DPH5: variants seen among roughly 807,000 people sequenced by gnomAD.
DPH5 encodes the protein diphthine methyl ester synthase.
Under a neutral mutation model 31.6 loss-of-function variants are expected in DPH5, and 31 were observed. The observed-to-expected ratio is 0.98, with a 90% CI of 0.74 to 1.32. DPH5 has a LOEUF of 1.32. DPH5 is among the 40% of genes most tolerant of loss of function. The probability of loss-of-function intolerance (pLI) is 0.00; values close to 1 mark genes in which losing one functional copy is unlikely to be tolerated. For synonymous variants in DPH5, 120 were observed against 115.0 expected, an observed-to-expected ratio of 1.04 and a Z score of -0.28; for missense variants, 309 against 335.7, an observed-to-expected ratio of 0.92 and a Z score of 0.62.
chr1:100,992,815 C>G, intron 6 of DPH5, 75 bp from the exon 7 acceptor site: 1 of 977,302 alleles, frequency 1.0e-6, no homozygotes. Flanking sequence ...AATTAGCTCT[C>G]CCAGGTATAC....
At chr1:101,007,174 T>C (rs535688377) in intron 4 of DPH5, among the ~76,000 whole-genome samples, 22 of 152,298 alleles carry the variant, frequency 1.4e-4, no homozygotes, top group African/African-American at 5.1e-4. Flanking sequence ...TACTAAGTGT[T>C]GAATAAAAAG....
At chr1:101,001,714 A>C in intron 4 of DPH5, 127 bp from the exon 5 acceptor site, 3 of 725,084 alleles carry the variant, frequency 4.1e-6, no homozygotes, top group Non-Finnish European at 6.5e-6. Context: ...TGGGGATCAA[A>C]TCTGTCACCA....
intron 2 of DPH5, among the ~76,000 whole-genome samples, chr1:101,024,100 G>A (rs946577169): frequency 1.3e-5 from 2 of 152,112 alleles, no homozygotes; most frequent in South Asian, 4.1e-4. Context: ...AAAAAAAAAT[G>A]TTTTTTAAAT....
intron 7 of DPH5, among the ~76,000 whole-genome samples, chr1:100,991,873 G>A (rs944738802): frequency 6.6e-6 from 1 of 151,580 alleles, no homozygotes; most frequent in African/African-American, 2.4e-5. Context: ...TTGGGAGGCT[G>A]AGGTGGGAGG....
chr1:100,998,280 A>T (rs1658547382), intron 5 of DPH5, among the ~76,000 whole-genome samples: 1 of 152,042 alleles, frequency 6.6e-6, no homozygotes, highest in Non-Finnish European at 1.5e-5. Context: ...GGAGGTTGAG[A>T]CGGGCAGATC....
rs1386615738 is a variant in DPH5, at chr1:100,989,938, C to G, written c.*470G>C. ...AAGAAACCAAGCATTGTTGAGTCAA[C>G]TTCTTTTTGGTCACTTGTTTTATAC... On this transcript the variant is annotated 3_prime_UTR_variant, in exon 8 of 8. Coordinates refer to ENST00000370109, the MANE Select transcript of DPH5 (RefSeq NM_015958.3). 6.5e-6 allele frequency: 1 copy of G among 154,524 alleles called. No individual in the cohort carries two copies. The highest frequency in any genetic ancestry group is 2.4e-5 in the African/African-American group (1 of 41,406). 9.6% of individuals were successfully genotyped at this position (154,524 alleles called of 1,614,324 possible).
chr1:100,994,774 G>A (rs1658180041), intron 6 of DPH5, among the ~76,000 whole-genome samples: 1 of 152,098 alleles, frequency 6.6e-6, no homozygotes, highest in Admixed American at 6.5e-5. Context: ...CAATCCACCT[G>A]CCTCAGCCTC....
chr1:100,999,437 G>A (rs1658672188), intron 5 of DPH5, among the ~76,000 whole-genome samples: 1 of 152,098 alleles, frequency 6.6e-6, no homozygotes, highest in African/African-American at 2.4e-5. Flanking sequence ...GAGACAGAGC[G>A]AGACCTTGTC....
chr1:101,000,557 A>T (rs1202019963), intron 5 of DPH5, among the ~76,000 whole-genome samples: 8 of 152,218 alleles, frequency 5.3e-5, no homozygotes, highest in Admixed American at 5.2e-4. Flanking sequence ...TATTTGATAA[A>T]TATGAAGGCT....
At chr1:101,021,324 C>T (rs957648834) in intron 3 of DPH5, among the ~76,000 whole-genome samples, 3 of 152,130 alleles carry the variant, frequency 2.0e-5, no homozygotes, top group African/African-American at 7.2e-5. Context: ...ATGTAATGAA[C>T]TATTTAATAA....
At chr1:101,024,338 G>C (rs892677722) in intron 2 of DPH5, among the ~76,000 whole-genome samples, 14 of 152,156 alleles carry the variant, frequency 9.2e-5, no homozygotes, top group African/African-American at 3.4e-4. Context: ...GAGCCCAGGA[G>C]GCTGAGGCTG....
In DPH5 at chr1:101,021,315, T is replaced by C. The variant is rs77286264; in HGVS notation, c.260+326A>G. 6.3e-3 allele frequency among the ~76,000 whole-genome samples: 964 copies of C among 152,276 alleles called. 15 individuals carry two copies. The highest frequency in any genetic ancestry group is 0.02 in the African/African-American group (837 of 41,560). On this transcript the variant is annotated intron_variant, in intron 3 of 7. Transcript: ENST00000370109. ...AAATGGCAGGCATGACTTTTGATAATGTAATGAACTATTTAATAATGATAT... is the reference window on the plus strand; with the variant it reads ...AAATGGCAGGCATGACTTTTGATAACGTAATGAACTATTTAATAATGATAT...
intron 4 of DPH5, among the ~76,000 whole-genome samples, chr1:101,009,412 A>T (rs933675965): frequency 2.0e-5 from 3 of 152,204 alleles, no homozygotes; most frequent in African/African-American, 4.8e-5. Context: ...GTGGTAGTGG[A>T]GATGGTGGAA....
At chr1:100,992,767 G>A (rs1208281500) in intron 6 of DPH5, 27 bp from the exon 7 acceptor site, 1 of 1,507,288 alleles carries the variant, frequency 6.6e-7, no homozygotes, top group Non-Finnish European at 9.2e-7. Flanking sequence ...AGATGCCACT[G>A]TTCTTAGCCA....
At chr1:100,994,433 A>C (rs1658139884) in intron 6 of DPH5, among the ~76,000 whole-genome samples, 1 of 152,176 alleles carries the variant, frequency 6.6e-6, no homozygotes, top group Admixed American at 6.5e-5. Flanking sequence ...CTAAGTAAAA[A>C]AGGATTAGTA....
At chr1:101,013,340 A>G (rs1055842477) in intron 4 of DPH5, among the ~76,000 whole-genome samples, 4 of 152,192 alleles carry the variant, frequency 2.6e-5, no homozygotes, top group Admixed American at 2.0e-4. Flanking sequence ...TACTGATTCT[A>G]TTAAGAAATG....
chr1:101,008,575 T>TA (rs11432319), intron 4 of DPH5, among the ~76,000 whole-genome samples: 19,607 of 152,240 alleles, frequency 0.13, 1,613 homozygotes, highest in Admixed American at 0.21. Context: ...TTATTCAACA[T>TA]AGATATATTC....
chr1:101,009,384 G>A (rs1459929418), intron 4 of DPH5, among the ~76,000 whole-genome samples: 1 of 152,154 alleles, frequency 6.6e-6, no homozygotes, highest in Admixed American at 6.5e-5. Context: ...GTCTTTGGGG[G>A]TACAAACCAT....
chr1:101,009,708 AG>A (rs1310714855), intron 4 of DPH5, among the ~76,000 whole-genome samples: 1 of 152,212 alleles, frequency 6.6e-6, no homozygotes, highest in Non-Finnish European at 1.5e-5. Flanking sequence ...TATCAGATCA[AG>A]TATTTATACT....
Sources: gnomAD v4.1 joint callset for allele counts (sites outside exome capture counted in the v4.1 genomes callset) on GRCh38, gnomAD v4.1.1 for gene constraint, MANE v1.5 for transcripts, NCBI Gene and HGNC (gene_info 2026-07-23, HGNC 2026-07-21) for gene names.